MYH4: variants seen among roughly 807,000 people sequenced by gnomAD.
MYH4 encodes myosin heavy chain 4, also known as myosin-4.
In MYH4, 200 loss-of-function variants were observed where a neutral mutation model predicts 229.9. The observed-to-expected ratio is 0.87, with a 90% CI of 0.78 to 0.98. The LOEUF (loss-of-function observed/expected upper bound fraction) is 0.98. Among genes scored for constraint, MYH4 ranks in the 50% least tolerant of loss-of-function variants. The pLI is 0.00. For synonymous variants in MYH4, 761 were observed against 834.6 expected, an observed-to-expected ratio of 0.91 and a Z score of 1.52; for missense variants, 2,148 against 2,332.6, an observed-to-expected ratio of 0.92 and a Z score of 1.63.
At position 10,453,058 on chromosome 17, in the gene MYH4, A is replaced by G. The variant is rs2142217640; in HGVS notation, c.3111+94T>C. 6 of 1,596,018 alleles carry G rather than the reference A, an allele frequency of 3.8e-6. No individual in the cohort carries two copies. In the South Asian group the frequency reaches 6.7e-5, roughly 18 times the overall value. On this transcript the variant is annotated intron_variant, in intron 24 of 39. Transcript: ENST00000255381. Reference sequence around the variant, plus strand: ...AATAGCACAAGAACTTTATTCACAGACCAAGCGTTAAAGGCTTATGACTAT... The same window carrying G: ...AATAGCACAAGAACTTTATTCACAGGCCAAGCGTTAAAGGCTTATGACTAT...
chr17:10,460,681 AAT>A (rs2072691601), intron 12 of MYH4, among the ~76,000 whole-genome samples: 1 of 152,258 alleles, frequency 6.6e-6, no homozygotes, highest in Admixed American at 6.5e-5. Flanking sequence ...CCTGAAATAA[AAT>A]ATGTTTTAGT....
Position 10,454,677 on chromosome 17 carries a change from T to G in MYH4, c.2569A>C (p.Lys857Gln), listed in dbSNP as rs780822852. Reference protein sequence around the residue: ...AETEKEMANMKEEFEKTKEEL... With the variant: ...AETEKEMANMQEEFEKTKEEL... Reference sequence around the variant, plus strand: ...TCTTTGGTTTTCTCAAATTCTTCCTTCATGTTGGCCATCTCCTTCTCTGTC... The same window carrying G: ...TCTTTGGTTTTCTCAAATTCTTCCTGCATGTTGGCCATCTCCTTCTCTGTC... Residue 857 changes from lysine to glutamine, a missense_variant, in exon 22 of 40, where the codon AAG becomes CAG. Coordinates refer to ENST00000255381, the MANE Select transcript of MYH4 (RefSeq NM_017533.2). The G allele has an allele frequency of 6.2e-7, 1 of 1,614,092 alleles. No individual in the cohort carries two copies. Among genetic ancestry groups the G allele is most frequent in the African/African-American group, 1.3e-5 (1 of 74,920 alleles).
intron 39 of MYH4, 106 bp downstream of exon 39, chr17:10,444,498 T>A (rs974805753): frequency 7.8e-5 from 60 of 766,172 alleles, no homozygotes; most frequent in Non-Finnish European, 1.3e-4. Flanking sequence ...CATACCTAAT[T>A]ATGTATTCCC....
At position 10,460,902 on chromosome 17, in the gene MYH4, A is replaced by G. The variant is rs772053092; in HGVS notation, c.1147+14T>C. 3.4e-5 allele frequency: 55 copies of G among 1,613,460 alleles called. No individual in the cohort carries two copies. The highest frequency in any genetic ancestry group is 4.5e-5 in the Non-Finnish European group (53 of 1,179,742). On this transcript the variant is annotated intron_variant, in intron 12 of 39. Transcript: ENST00000255381. ...CAGCTTTGTCAAGTGGAAGATACCAACAGGGGGTGGTACCTTCCGTGCCAT... is the reference window on the plus strand; with the variant it reads ...CAGCTTTGTCAAGTGGAAGATACCAGCAGGGGGTGGTACCTTCCGTGCCAT...
chr17:10,466,066 G>A (rs2072763172), intron 4 of MYH4, among the ~76,000 whole-genome samples: 1 of 152,116 alleles, frequency 6.6e-6, no homozygotes, highest in Admixed American at 6.5e-5. Context: ...GAGCCACCGC[G>A]CCCGGCCCAG....
Position 10,461,067 on chromosome 17 carries a change from T to C in MYH4, c.1009-13A>G, listed in dbSNP as rs1331348937. On this transcript the variant is annotated splice_polypyrimidine_tract_variant and intron_variant, in intron 11 of 39. Transcript: ENST00000255381. ...TGTCCACAGCACTCTGTCAAAAGAGTTGAATTTGCTCATCCCCAATTAGCA... is the reference window on the plus strand; with the variant it reads ...TGTCCACAGCACTCTGTCAAAAGAGCTGAATTTGCTCATCCCCAATTAGCA... 3.1e-6 allele frequency: 5 copies of C among 1,613,208 alleles called. No homozygotes were observed. Among genetic ancestry groups the C allele is most frequent in the Non-Finnish European group, 4.2e-6 (5 of 1,179,618 alleles).
At position 10,447,211 on chromosome 17, in the gene MYH4, A is replaced by C. The variant is rs1355156636; in HGVS notation, c.4971T>G (p.Thr1657=). Residue 1657 remains threonine, a synonymous_variant, in exon 35 of 40, where the codon ACT becomes ACG. Coordinates refer to ENST00000255381, the MANE Select transcript of MYH4 (RefSeq NM_017533.2). Reference sequence around the variant, plus strand: ...TGATGGCATCATCCAAATGTAGCTGAGTGTCCTACACAGAAAGAGAAAAAG... The same window carrying C: ...TGATGGCATCATCCAAATGTAGCTGCGTGTCCTACACAGAAAGAGAAAAAG... ...LRNTQGILKD[T]QLHLDDAIRG... is the part of the protein sequence containing the mutation. 6.2e-7 allele frequency: 1 copy of C among 1,614,044 alleles called. No individual in the cohort carries two copies. Among genetic ancestry groups the C allele is most frequent in the Non-Finnish European group, 8.5e-7 (1 of 1,179,930 alleles).
At chr17:10,468,094 A>C (rs2072786373) in intron 2 of MYH4, among the ~76,000 whole-genome samples, 1 of 152,234 alleles carries the variant, frequency 6.6e-6, no homozygotes, top group Admixed American at 6.5e-5. Context: ...TGTGAAACTT[A>C]GACATATTTT....
intron 22 of MYH4, 93 bp from the exon 23 acceptor site, chr17:10,453,978 G>C: frequency 6.6e-7 from 1 of 1,522,982 alleles, no homozygotes; most frequent in Non-Finnish European, 8.9e-7. Context: ...GTGACTACCT[G>C]TTTGGTCAAC....
In MYH4 at chr17:10,451,447, G is replaced by A. The variant is rs1176229938; in HGVS notation, c.3744C>T (p.Asn1248=). 13 of 1,612,990 alleles carry A rather than the reference G, an allele frequency of 8.1e-6. No individual in the cohort carries two copies. The highest frequency in any genetic ancestry group is 1.1e-5 in the Non-Finnish European group (13 of 1,179,722). ...CTAGGGTGCGGCACATTTTCTCAAA[G>A]TTTGCCTGGGGTGAGAGGTAGAAAA... ...NMETVSKAKA[N]FEKMCRTLED... is the part of the protein sequence containing the mutation. Residue 1248 remains asparagine, a synonymous_variant, in exon 28 of 40, where the codon AAC becomes AAT. Transcript: ENST00000255381.
chr17:10,462,856 A>T lies in MYH4; in HGVS notation c.1008+9T>A. ...ATTTACTTTTTACTACTTTGTACCTATTACTTACATCTGTGGCCATCAGCT... is the reference window on the plus strand; with the variant it reads ...ATTTACTTTTTACTACTTTGTACCTTTTACTTACATCTGTGGCCATCAGCT... On this transcript the variant is annotated intron_variant, in intron 11 of 39. Coordinates refer to ENST00000255381, the MANE Select transcript of MYH4 (RefSeq NM_017533.2). 1.2e-6 allele frequency: 2 copies of T among 1,606,686 alleles called. No homozygotes were observed. The highest frequency in any genetic ancestry group is 8.5e-7 in the Non-Finnish European group (1 of 1,174,354).
Position 10,455,007 on chromosome 17 carries a change from G to A in MYH4, c.2369C>T (p.Thr790Met), listed in dbSNP as rs143572602. 295 of 1,614,154 alleles carry A rather than the reference G, an allele frequency of 1.8e-4. No homozygotes were observed. The African/African-American group carries it at 3.1e-3, about 17-fold the overall frequency. The change falls in exon 21 of 40, where the codon ACG becomes ATG. Residue 790 changes from threonine to methionine, a missense_variant. Physicochemically the swap from Thr to Met is moderately conservative, Grantham distance 81 (BLOSUM62 -1). Coordinates refer to ENST00000255381, the MANE Select transcript of MYH4 (RefSeq NM_017533.2). ...MRDEKLAQLI[T>M]RTQAICRGFL... The stretch of plus-strand genomic sequence containing the variant: ...CCCTCTGCATATGGCTTGAGTGCGC[G>A]TGATGAGTTGAGCTAGCTTTTCATC...
intron 11 of MYH4, among the ~76,000 whole-genome samples, chr17:10,461,834 T>C (rs1295795624): frequency 6.6e-6 from 1 of 152,160 alleles, no homozygotes; most frequent in African/African-American, 2.4e-5. Flanking sequence ...GAGGAAAATA[T>C]GTTTATTTAC....
intron 14 of MYH4, among the ~76,000 whole-genome samples, chr17:10,459,687 G>A (rs1478769595): frequency 6.6e-6 from 1 of 151,856 alleles, no homozygotes; most frequent in Admixed American, 6.6e-5. Context: ...TTTTAAAAAG[G>A]TGTTCTCATG....
At position 10,448,403 on chromosome 17, in the gene MYH4, TC is replaced by T. The variant is rs1567698875; in HGVS notation, c.4648del (p.Glu1550LysfsTer20). On this transcript the variant is annotated frameshift_variant, in exon 33 of 40. Coordinates refer to ENST00000255381, the MANE Select transcript of MYH4 (RefSeq NM_017533.2). LOFTEE classifies it high-confidence loss of function. Reference sequence around the variant, plus strand: ...AGCAAATGAAAAATGTACCTCTGCTTCCTCTAGGGAAGTCTGTAGTTCACTC... The same window carrying T: ...AGCAAATGAAAAATGTACCTCTGCTTCTCTAGGGAAGTCTGTAGTTCACTC... ...EKSELQTSLE[E>X]AEASLEHEEG... 4 of 1,609,816 alleles carry T rather than the reference TC, an allele frequency of 2.5e-6. No homozygotes were observed. The highest frequency in any genetic ancestry group is 3.4e-6 in the Non-Finnish European group (4 of 1,178,920).
chr17:10,445,144 A>G lies in MYH4; in HGVS notation c.5298T>C (p.Ala1766=), dbSNP rs879231476. The part of the protein sequence containing the change: ...EEKAKKAITD[A]AMMAEELKKE... The stretch of plus-strand genomic sequence containing the variant: ...TCTTCAGCTCCTCAGCCATCATGGC[A>G]GCCTAGTTAGCAAATAAATTTTGAA... The change falls in exon 37 of 40, where the codon GCT becomes GCC. Residue 1766 remains alanine, a splice_region_variant and synonymous_variant. Coordinates refer to ENST00000255381, the MANE Select transcript of MYH4 (RefSeq NM_017533.2). 1.2e-6 allele frequency: 2 copies of G among 1,614,194 alleles called. No individual in the cohort carries two copies. The highest frequency in any genetic ancestry group is 1.7e-6 in the Non-Finnish European group (2 of 1,180,026).
intron 27 of MYH4, 94 bp downstream of exon 27, chr17:10,451,847 T>C (rs1218990801): frequency 6.9e-7 from 1 of 1,455,938 alleles, no homozygotes; most frequent in Non-Finnish European, 9.2e-7. Context: ...TGCCATCTAA[T>C]GTTTGTGTAA....
chr17:10,459,288 C>G lies in MYH4; in HGVS notation c.1550G>C (p.Gly517Ala). ...CTCGATGCAGGCAGCCAGGTCCATCCCGAAGTCAATGAACTCCCACTCGAT... is the reference window on the plus strand; with the variant it reads ...CTCGATGCAGGCAGCCAGGTCCATCGCGAAGTCAATGAACTCCCACTCGAT... ...EGIEWEFIDF[G>A]MDLAACIELI... Residue 517 changes from glycine to alanine, a missense_variant, in exon 15 of 40, where the codon GGG (glycine) becomes GCG (alanine). Transcript: ENST00000255381. 2 of 1,613,994 alleles carry G rather than the reference C, an allele frequency of 1.2e-6. No homozygotes were observed. Among genetic ancestry groups the G allele is most frequent in the South Asian group, 2.2e-5 (2 of 91,060 alleles).
rs771237843 is a variant in MYH4, at chr17:10,447,811, A to C, written c.4965+7T>G. 6.2e-7 allele frequency: 1 copy of C among 1,601,376 alleles called. No individual in the cohort carries two copies. The highest frequency in any genetic ancestry group is 8.5e-7 in the Non-Finnish European group (1 of 1,173,430). ...GTACAACACTATGTGTATTTACCCC[A>C]GCATACCTTCAGTATTCCTTGTGTG... On this transcript the variant is annotated splice_region_variant and intron_variant, in intron 34 of 39. Transcript: ENST00000255381.
Sources: allele counts gnomAD v4.1 joint callset (sites outside exome capture counted in the v4.1 genomes callset), GRCh38; gene constraint gnomAD v4.1.1; transcripts MANE v1.5; gene names NCBI Gene and HGNC (gene_info 2026-07-23, HGNC 2026-07-21).